LUZP2: variants seen among roughly 807,000 people sequenced by gnomAD.
The protein encoded by LUZP2 is leucine zipper protein 2.
LUZP2 carries 52 observed loss-of-function variants against 51.6 expected under a neutral mutation model. The ratio of observed to expected loss-of-function variants is 1.01; its 90% confidence interval spans 0.81 to 1.27. The LOEUF is 1.27. Ranked by LOEUF, LUZP2 falls within the 50% of genes most tolerant of loss-of-function variation. The probability of loss-of-function intolerance (pLI) is 0.00; values close to 1 mark genes in which losing one functional copy is unlikely to be tolerated. For synonymous variants in LUZP2, 154 were observed against 137.3 expected (o/e 1.12, Z -0.85); for missense variants, 436 against 395.4 (o/e 1.10, Z -0.87).
intron 1 of LUZP2, among the ~76,000 whole-genome samples, chr11:24,629,623 C>G (rs1350836670): frequency 1.3e-5 from 2 of 149,394 alleles, no homozygotes; most frequent in Non-Finnish European, 3.0e-5. Flanking sequence ...GATTCCATAT[C>G]TTTGCTATTG....
chr11:24,901,408 A>AAAAAGGT (rs1320049806), intron 5 of LUZP2, among the ~76,000 whole-genome samples: 1 of 152,138 alleles, frequency 6.6e-6, no homozygotes, highest in Non-Finnish European at 1.5e-5. Context: ...ATTAAAAAAA[A>AAAAAGGT]AAAAAGGTAA....
chr11:24,646,538 T>C, intron 1 of LUZP2: 1 of 965,072 alleles, frequency 1.0e-6, no homozygotes, highest in Non-Finnish European at 1.2e-6. Context: ...TAATAGTCTC[T>C]TGATTGCAAG....
At chr11:25,029,042 C>G (rs1222028852) in intron 9 of LUZP2, among the ~76,000 whole-genome samples, 1 of 152,184 alleles carries the variant, frequency 6.6e-6, no homozygotes, top group South Asian at 2.1e-4. Flanking sequence ...CAATTGAACT[C>G]ATGGACATAG....
At chr11:24,761,384 C>G (rs1590469721) in intron 4 of LUZP2, among the ~76,000 whole-genome samples, 1 of 152,132 alleles carries the variant, frequency 6.6e-6, no homozygotes, top group Non-Finnish European at 1.5e-5. Flanking sequence ...AGAAACCACC[C>G]CTATGATCCA....
intron 9 of LUZP2, among the ~76,000 whole-genome samples, chr11:24,999,839 G>A (rs952173200): frequency 2.0e-5 from 3 of 152,256 alleles, no homozygotes; most frequent in Admixed American, 6.5e-5. Context: ...GCAGACCCTC[G>A]TGTTGAGTAT....
intron 1 of LUZP2, among the ~76,000 whole-genome samples, chr11:24,573,163 G>A (rs1303623571): frequency 6.6e-6 from 1 of 151,900 alleles, no homozygotes; most frequent in Non-Finnish European, 1.5e-5. Context: ...AGAGTAACAA[G>A]CATTGGTATG....
At chr11:24,744,599 T>C (rs1228028356) in intron 4 of LUZP2, among the ~76,000 whole-genome samples, 2 of 152,154 alleles carry the variant, frequency 1.3e-5, no homozygotes, top group Non-Finnish European at 2.9e-5. Context: ...GTTTTCTCTC[T>C]TCTTTTCTTG....
At chr11:24,735,884 C>T (rs574041963) in intron 3 of LUZP2, among the ~76,000 whole-genome samples, 14 of 152,016 alleles carry the variant, frequency 9.2e-5, no homozygotes, top group African/African-American at 3.4e-4. Flanking sequence ...AGAGGCAAGT[C>T]AGGAATCATC....
chr11:25,065,016 A>G (rs1286348025), intron 10 of LUZP2, among the ~76,000 whole-genome samples: 1 of 152,096 alleles, frequency 6.6e-6, no homozygotes, highest in African/African-American at 2.4e-5. Flanking sequence ...TTGTTTGGAG[A>G]TAACATTGAC....
intron 1 of LUZP2, among the ~76,000 whole-genome samples, chr11:24,691,650 T>C (rs1366964726): frequency 2.0e-5 from 3 of 152,014 alleles, no homozygotes; most frequent in Non-Finnish European, 2.9e-5. Context: ...AACAATGTTA[T>C]GAATAAATAA....
chr11:24,513,637 C>T (rs1850378132), intron 1 of LUZP2, among the ~76,000 whole-genome samples: 5 of 152,132 alleles, frequency 3.3e-5, no homozygotes, highest in African/African-American at 9.7e-5. Context: ...TTCTGACTGT[C>T]ATTACTTATA....
chr11:24,537,821 A>G (rs1222561743), intron 1 of LUZP2, among the ~76,000 whole-genome samples: 1 of 151,840 alleles, frequency 6.6e-6, no homozygotes, highest in Non-Finnish European at 1.5e-5. Context: ...AACTACCAAA[A>G]AATAGAGCTT....
At chr11:24,516,495 C>G (rs1453649027) in intron 1 of LUZP2, among the ~76,000 whole-genome samples, 1 of 152,190 alleles carries the variant, frequency 6.6e-6, no homozygotes, top group Non-Finnish European at 1.5e-5. Flanking sequence ...AACAGGATTA[C>G]AACATTTTCT....
At chr11:24,674,285 C>T (rs1406470450) in intron 1 of LUZP2, among the ~76,000 whole-genome samples, 1 of 152,176 alleles carries the variant, frequency 6.6e-6, no homozygotes. Flanking sequence ...TTGCCACTTT[C>T]AGGAGACAGC....
At chr11:24,716,067 CAT>C (rs1405490880) in intron 1 of LUZP2, among the ~76,000 whole-genome samples, 2 of 152,130 alleles carry the variant, frequency 1.3e-5, no homozygotes, top group South Asian at 4.2e-4. Flanking sequence ...ATGTCTACCA[CAT>C]GTCTGATATA....
chr11:24,655,994 T>C (rs1055942120), intron 1 of LUZP2, among the ~76,000 whole-genome samples: 9 of 152,200 alleles, frequency 5.9e-5, no homozygotes, highest in Admixed American at 5.2e-4. Context: ...TTGCCTACTG[T>C]TACAAAATTG....
chr11:24,741,878 A>C (rs1590431364), intron 4 of LUZP2, among the ~76,000 whole-genome samples: 1 of 132,540 alleles, frequency 7.5e-6, no homozygotes, highest in East Asian at 2.0e-4. Flanking sequence ...TATATTTATA[A>C]ATATATATTT....
At chr11:24,651,917 G>A (rs1018260482) in intron 1 of LUZP2, among the ~76,000 whole-genome samples, 3 of 152,020 alleles carry the variant, frequency 2.0e-5, no homozygotes, top group Non-Finnish European at 4.4e-5. Context: ...AATTTTGGAT[G>A]TGCAAAGCCT....
chr11:24,730,753 G>T (rs1858684081), intron 2 of LUZP2, among the ~76,000 whole-genome samples: 1 of 151,810 alleles, frequency 6.6e-6, no homozygotes, highest in African/African-American at 2.4e-5. Context: ...TATGCCAGTA[G>T]CCAAAGGCAA....
Sources: allele counts gnomAD v4.1 joint callset (sites outside exome capture counted in the v4.1 genomes callset), GRCh38; gene constraint gnomAD v4.1.1; transcripts MANE v1.5; gene names NCBI Gene and HGNC (gene_info 2026-07-23, HGNC 2026-07-21).